CYYR1: variants seen among roughly 807,000 people sequenced by gnomAD.
The protein encoded by CYYR1 is cysteine and tyrosine rich 1.
A neutral mutation model predicts 15.2 loss-of-function variants in CYYR1; 14 were observed. The observed-to-expected ratio is 0.92, with a 90% confidence interval of 0.61 to 1.44. The LOEUF (loss-of-function observed/expected upper bound fraction) is 1.44, where lower values mean the gene tolerates loss of function less well. CYYR1 is among the 40% of genes most tolerant of loss of function. The pLI, the probability that CYYR1 is intolerant of heterozygous loss-of-function variation, is 0.00. For synonymous variants in CYYR1, 80 were observed against 77.4 expected, an observed-to-expected ratio of 1.03 and a Z score of -0.18; for missense variants, 228 against 209.5, an observed-to-expected ratio of 1.09 and a Z score of -0.54.
intron 1 of CYYR1, among the ~76,000 whole-genome samples, chr21:26,567,274 G>C (rs1042601914): frequency 6.6e-6 from 1 of 152,182 alleles, no homozygotes; most frequent in African/African-American, 2.4e-5. Context: ...GTTATAGGAA[G>C]AAATCCCCAG....
intron 2 of CYYR1, among the ~76,000 whole-genome samples, chr21:26,496,865 G>C (rs2065411964): frequency 6.6e-6 from 1 of 152,086 alleles, no homozygotes. Flanking sequence ...CACCAGATGT[G>C]AGTGAATCTT....
intron 2 of CYYR1, among the ~76,000 whole-genome samples, chr21:26,505,621 T>C (rs1348406271): frequency 6.6e-6 from 1 of 152,234 alleles, no homozygotes; most frequent in Non-Finnish European, 1.5e-5. Context: ...CTATTACCCT[T>C]ATCATTATTA....
At position 26,480,422 on chromosome 21, in the gene CYYR1, C is replaced by T. The variant is rs1234260592; in HGVS notation, c.184G>A (p.Ala62Thr). 1.2e-6 allele frequency: 2 copies of T among 1,610,764 alleles called. No homozygotes were observed. Among genetic ancestry groups the T allele is most frequent in the African/African-American group, 1.3e-5 (1 of 74,724 alleles). ...ATTCCAAAAACAATGCCCGCAATTG[C>T]AGTGCCCCTAAAAGGAAAAACAAGT... The part of the protein sequence containing the change: ...AYIGNILSGT[A>T]IAGIVFGIVF... The change falls in exon 3 of 4, where the codon GCA (alanine) becomes ACA (threonine). Residue 62 changes from alanine (A) to threonine (T), a missense_variant. Physicochemically the swap from Ala to Thr is moderately conservative, Grantham distance 58. Transcript: ENST00000652641.
intron 3 of CYYR1, 21 bp downstream of exon 3, chr21:26,480,251 A>C (rs921064372): frequency 9.4e-6 from 15 of 1,592,564 alleles, no homozygotes; most frequent in Non-Finnish European, 1.3e-5. Flanking sequence ...TGAGCCTTCG[A>C]GAGTCAACAG....
At chr21:26,522,629 G>A (rs1392249442) in intron 2 of CYYR1, among the ~76,000 whole-genome samples, 1 of 151,940 alleles carries the variant, frequency 6.6e-6, no homozygotes, top group Non-Finnish European at 1.5e-5. Flanking sequence ...CCACATTTAT[G>A]AGCACTCACT....
At chr21:26,495,703 C>T (rs963545675) in intron 2 of CYYR1, among the ~76,000 whole-genome samples, 3 of 152,170 alleles carry the variant, frequency 2.0e-5, no homozygotes, top group Non-Finnish European at 2.9e-5. Flanking sequence ...GAACTGTTGA[C>T]GTGATCAAGA....
intron 2 of CYYR1, among the ~76,000 whole-genome samples, chr21:26,529,306 C>G (rs1264089942): frequency 6.6e-6 from 1 of 152,128 alleles, no homozygotes; most frequent in Non-Finnish European, 1.5e-5. Context: ...GAATGATATA[C>G]AGAGTTTTAT....
chr21:26,521,185 T>C (rs917197287), intron 2 of CYYR1, among the ~76,000 whole-genome samples: 2 of 152,146 alleles, frequency 1.3e-5, no homozygotes, highest in African/African-American at 4.8e-5. Context: ...ACATGTATCT[T>C]GGAACTTAAA....
intron 2 of CYYR1, among the ~76,000 whole-genome samples, chr21:26,529,713 T>C (rs972884868): frequency 5.9e-5 from 9 of 152,236 alleles, no homozygotes; most frequent in Non-Finnish European, 8.8e-5. Context: ...TTCATTTAAT[T>C]AAAAATTATC....
chr21:26,468,142 C>T lies in CYYR1; in HGVS notation c.*359G>A, dbSNP rs1055388004. On this transcript the variant is annotated 3_prime_UTR_variant, in exon 4 of 4. Coordinates refer to ENST00000652641, the MANE Select transcript of CYYR1 (RefSeq NM_001320768.2). ...CCTTGTGTGGGCCAAATCATTCTCC[C>T]ATCCTACTTAGATCTTCTTTTTTTC... is the stretch of plus-strand genomic sequence containing the variant. 3.4e-6 allele frequency: 1 copy of T among 297,256 alleles called. No individual in the cohort carries two copies. Among genetic ancestry groups the T allele is most frequent in the Non-Finnish European group, 6.5e-6 (1 of 152,962 alleles). 18.4% of individuals were successfully genotyped at this position (297,256 alleles called of 1,614,324 possible). A position where few individuals can be genotyped will look rare whatever the true frequency, so the allele number is the denominator to read the frequency against.
chr21:26,538,922 C>G (rs1978358566), intron 2 of CYYR1, among the ~76,000 whole-genome samples: 1 of 152,110 alleles, frequency 6.6e-6, no homozygotes, highest in African/African-American at 2.4e-5. Flanking sequence ...GTCATATGTG[C>G]TTTTAATTAA....
intron 2 of CYYR1, among the ~76,000 whole-genome samples, chr21:26,489,894 A>G (rs1485071866): frequency 1.3e-5 from 2 of 152,186 alleles, no homozygotes; most frequent in African/African-American, 2.4e-5. Context: ...AGGGAGAAAC[A>G]AACTCGTTTT....
Position 26,564,771 on chromosome 21 carries a change from G to C in CYYR1, c.176+1495C>G. On this transcript the variant is annotated intron_variant, in intron 2 of 3. Coordinates refer to ENST00000652641, the MANE Select transcript of CYYR1 (RefSeq NM_001320768.2). ...AGATGACCAAAGAATCACAGAATCA[G>C]TTTGACTTCACATTCTCCAAGTTAT... The C allele has an allele frequency of 2.4e-6, 3 of 1,239,938 alleles. No homozygotes were observed. In the African/African-American group the frequency reaches 4.6e-5, roughly 19 times the overall value. The allele number at this position is 1,239,938 out of a possible 1,614,324, so 76.8% of individuals were successfully genotyped here.
rs1978300309 is a variant in CYYR1, at chr21:26,536,232, C to A, written c.176+30034G>T. ...CTCCCACCAGGCCCCTTCCCTGACA[C>A]ATGCGGATTACAATTTGACATGATA... On this transcript the variant is annotated intron_variant, in intron 2 of 3. Coordinates refer to ENST00000652641, the MANE Select transcript of CYYR1 (RefSeq NM_001320768.2). Among the ~76,000 whole-genome samples, 4 of 152,132 alleles carry A rather than the reference C, an allele frequency of 2.6e-5. No homozygotes were observed. In the South Asian group the frequency reaches 8.3e-4, roughly 32 times the overall value.
At chr21:26,540,348 A>C (rs1036116760) in intron 2 of CYYR1, among the ~76,000 whole-genome samples, 2 of 152,200 alleles carry the variant, frequency 1.3e-5, no homozygotes, top group Admixed American at 6.5e-5. Context: ...GGCTAACGGC[A>C]TGCCCCAATC....
intron 2 of CYYR1, among the ~76,000 whole-genome samples, chr21:26,514,648 A>G (rs1469926219): frequency 6.6e-6 from 1 of 152,228 alleles, no homozygotes; most frequent in Non-Finnish European, 1.5e-5. Flanking sequence ...GGGAGACAGT[A>G]GACTACAGGA....
chr21:26,557,453 A>G lies in CYYR1; in HGVS notation c.176+8813T>C, dbSNP rs7281156. On this transcript the variant is annotated intron_variant, in intron 2 of 3. Transcript: ENST00000652641. ...ACAAATCCTACATTTTATGTAACAT[A>G]AAACGCAACAAGCAAATAGAAGAAA... 4.4e-3 allele frequency among the ~76,000 whole-genome samples: 666 copies of G among 152,294 alleles called. 3 individuals are homozygous for G. Among genetic ancestry groups the G allele is most frequent in the African/African-American group, 0.015 (621 of 41,572 alleles).
chr21:26,551,928 A>G (rs982631470), intron 2 of CYYR1: 1 of 153,588 alleles, frequency 6.5e-6, no homozygotes, highest in African/African-American at 2.4e-5. Context: ...CTTTCATGAA[A>G]GGAGGAGTCA....
chr21:26,491,019 T>C (rs1569145319), intron 2 of CYYR1, among the ~76,000 whole-genome samples: 1 of 152,178 alleles, frequency 6.6e-6, no homozygotes. Context: ...GAGTGTAGAA[T>C]GCTTTCCCTA....
Sources: allele counts gnomAD v4.1 joint callset (sites outside exome capture counted in the v4.1 genomes callset), GRCh38; gene constraint gnomAD v4.1.1; transcripts MANE v1.5; gene names NCBI Gene and HGNC (gene_info 2026-07-23, HGNC 2026-07-21).